The following SS18 variants were observed in gnomAD, a reference collection of about 807,000 sequenced individuals.
SS18 encodes SS18 subunit of BAF chromatin remodeling complex.
Under a neutral mutation model 72.5 loss-of-function variants are expected in SS18, and 28 were observed. The observed-to-expected ratio is 0.39, with a 90% CI of 0.29 to 0.53. SS18 has a LOEUF of 0.53. Ranked by LOEUF, SS18 falls within the 20% of genes least tolerant of loss-of-function variation. The pLI is 0.76. For missense variants in SS18, 518 were observed against 535.3 expected (o/e 0.97, Z 0.32); for synonymous variants, 172 against 164.2 (o/e 1.05, Z -0.37).
chr18:26,032,572 T>C, intron 9 of SS18, 40 bp from the exon 10 acceptor site: 1 of 1,607,726 alleles, frequency 6.2e-7, no homozygotes, highest in Non-Finnish European at 8.5e-7. Flanking sequence ...CATAAAAAGG[T>C]AAGTCCCTAG....
chr18:26,045,454 G>A (rs901360266), intron 5 of SS18, among the ~76,000 whole-genome samples: 5 of 152,044 alleles, frequency 3.3e-5, no homozygotes, highest in Admixed American at 2.0e-4. Flanking sequence ...TGTTCCATCT[G>A]CCTGTGCCAC....
chr18:26,028,499 C>T (rs1426360703), intron 10 of SS18, among the ~76,000 whole-genome samples: 1 of 152,174 alleles, frequency 6.6e-6, no homozygotes, highest in Admixed American at 6.5e-5. Context: ...GGGACTTGTC[C>T]ATGAATGTTC....
chr18:26,052,824 T>C lies in SS18; in HGVS notation c.407A>G (p.Gln136Arg), dbSNP rs909855496. The C allele has an allele frequency of 1.2e-6, 2 of 1,614,056 alleles. No homozygotes were observed. Among genetic ancestry groups the C allele is most frequent in the Non-Finnish European group, 1.7e-6 (2 of 1,180,008 alleles). ...ATTGAGTTGATTGGGTCCAGGTCCC[T>C]GCATAGGCATATGGTTAGGCCCTTT... The part of the protein sequence containing the change: ...QMPGPNHMPM[Q>R]GPGPNQLNMT... Residue 136 changes from glutamine to arginine, a missense_variant, in exon 5 of 11, where the codon CAG (glutamine) becomes CGG (arginine). Coordinates refer to ENST00000415083, the MANE Select transcript of SS18 (RefSeq NM_001007559.3).
At chr18:26,076,025 T>C (rs775300450) in intron 3 of SS18, among the ~76,000 whole-genome samples, 110 of 151,954 alleles carry the variant, frequency 7.2e-4, no homozygotes, top group Non-Finnish European at 1.3e-3. Context: ...GTGCAAACCA[T>C]CTACAGGGAA....
rs1356149957 is a variant in SS18 at position 26,018,078 on chromosome 18, C to T, written c.*276G>A. 2.7e-5 allele frequency: 9 copies of T among 335,724 alleles called. No homozygotes were observed. Among genetic ancestry groups the T allele is most frequent in the Non-Finnish European group, 5.5e-6 (1 of 183,068 alleles). The allele number at this position is 335,724 out of a possible 1,614,324, so 20.8% of individuals were successfully genotyped here. Reference sequence around the variant, plus strand: ...AGTCTGTAACAGTCCATTTGAAACACAGTTCCAAAATCATTACAAATTGGT... The same window carrying T: ...AGTCTGTAACAGTCCATTTGAAACATAGTTCCAAAATCATTACAAATTGGT... On this transcript the variant is annotated 3_prime_UTR_variant, in exon 11 of 11. Transcript: ENST00000415083.
chr18:26,047,707 G>C (rs1343779855), intron 5 of SS18, among the ~76,000 whole-genome samples: 2 of 152,138 alleles, frequency 1.3e-5, no homozygotes, highest in Non-Finnish European at 2.9e-5. Context: ...GCCGGGCATG[G>C]TGGCGGGCAC....
chr18:26,055,568 C>T (rs1218134352), intron 4 of SS18, among the ~76,000 whole-genome samples: 2 of 152,040 alleles, frequency 1.3e-5, no homozygotes, highest in African/African-American at 2.4e-5. Flanking sequence ...ACTGAGTCTA[C>T]ATAATGAAAT....
chr18:26,079,643 C>T (rs777580551), intron 2 of SS18, among the ~76,000 whole-genome samples: 9 of 152,190 alleles, frequency 5.9e-5, no homozygotes, highest in Non-Finnish European at 1.0e-4. Flanking sequence ...CGTGCAGTGG[C>T]GTAATCATGG....
intron 4 of SS18, among the ~76,000 whole-genome samples, chr18:26,055,892 G>C (rs1163736413): frequency 6.6e-6 from 1 of 151,684 alleles, no homozygotes; most frequent in Non-Finnish European, 1.5e-5. Flanking sequence ...TGAGTAGCTG[G>C]GATTACAGAC....
rs1555643838 is a variant in SS18, at chr18:26,027,703, A to AAGAC, written c.1230+4695_1230+4696insGTCT. Among the ~76,000 whole-genome samples, 629 of 124,672 alleles carry AAGAC rather than the reference A, an allele frequency of 5.0e-3. 82 individuals are homozygous for AAGAC. Among genetic ancestry groups the AAGAC allele is most frequent in the African/African-American group, 0.022 (603 of 28,010 alleles). The allele number at this position is 124,672 out of a possible 152,430, so 81.8% of individuals were successfully genotyped here. ...AAAAAAAAAAAAAAAAAAAAAAAAAAAGTCTTTTCAACAAATGACTCTGAG... is the reference window on the plus strand; with the variant it reads ...AAAAAAAAAAAAAAAAAAAAAAAAAAAGACAGTCTTTTCAACAAATGACTCTGAG... On this transcript the variant is annotated intron_variant, in intron 10 of 10. Transcript: ENST00000415083.
chr18:26,020,417 T>A (rs2053328923), intron 10 of SS18, among the ~76,000 whole-genome samples: 1 of 152,140 alleles, frequency 6.6e-6, no homozygotes, highest in African/African-American at 2.4e-5. Context: ...AGTCAATGTA[T>A]AAAATGAGAT....
rs1259644070 is a variant in SS18, at chr18:26,039,420, T to A, written c.644A>T (p.Tyr215Phe). Residue 215 changes from tyrosine to phenylalanine, a missense_variant, in exon 6 of 11, where the codon TAC becomes TTC. Physicochemically the swap from Tyr to Phe is conservative, Grantham distance 22 (BLOSUM62 3). Coordinates refer to ENST00000415083, the MANE Select transcript of SS18 (RefSeq NM_001007559.3). ...CTGTCCGCCTCCCTGTGGCATATTGTATTGCTGAGAAGGAGGCTGCTGATG... is the reference window on the plus strand; with the variant it reads ...CTGTCCGCCTCCCTGTGGCATATTGAATTGCTGAGAAGGAGGCTGCTGATG... ...MMHQQPPSQQ[Y>F]NMPQGGGQHY... 1 of 1,613,796 alleles carries A rather than the reference T, an allele frequency of 6.2e-7. No homozygotes were observed. The highest frequency in any genetic ancestry group is 1.1e-5 in the South Asian group (1 of 91,052).
At chr18:26,024,147 A>G (rs548772442) in intron 10 of SS18, among the ~76,000 whole-genome samples, 36 of 152,326 alleles carry the variant, frequency 2.4e-4, no homozygotes, top group African/African-American at 6.0e-4. Flanking sequence ...AGGCAAATCT[A>G]TAGAGATAGA....
chr18:26,046,139 C>T (rs1439689495), intron 5 of SS18, among the ~76,000 whole-genome samples: 3 of 142,192 alleles, frequency 2.1e-5, no homozygotes, highest in Non-Finnish European at 4.5e-5. Flanking sequence ...TTGCAATGAG[C>T]CAAGATTGCA....
intron 9 of SS18, among the ~76,000 whole-genome samples, chr18:26,033,810 C>A (rs1158628470): frequency 6.6e-6 from 1 of 152,048 alleles, no homozygotes; most frequent in Non-Finnish European, 1.5e-5. Flanking sequence ...AATACTTCAA[C>A]AAAAATTAAG....
At chr18:26,054,421 C>T (rs942752133) in intron 4 of SS18, among the ~76,000 whole-genome samples, 26 of 152,018 alleles carry the variant, frequency 1.7e-4, no homozygotes, top group African/African-American at 5.8e-4. Context: ...CGTATTGACA[C>T]ACAGAACACA....
intron 5 of SS18, among the ~76,000 whole-genome samples, chr18:26,050,164 G>A (rs936261861): frequency 4.0e-5 from 6 of 151,874 alleles, no homozygotes; most frequent in Non-Finnish European, 5.9e-5. Context: ...GAACCCAGGA[G>A]GCGGAAGCAG....
chr18:26,086,893 C>T (rs571765501), intron 2 of SS18, among the ~76,000 whole-genome samples: 3 of 152,188 alleles, frequency 2.0e-5, no homozygotes, highest in African/African-American at 7.2e-5. Context: ...GTATAAGAAA[C>T]GAAGTGATAC....
chr18:26,074,888 A>T (rs978500528), intron 3 of SS18, among the ~76,000 whole-genome samples: 29 of 152,092 alleles, frequency 1.9e-4, no homozygotes, highest in African/African-American at 6.7e-4. Flanking sequence ...GAAGTCACAA[A>T]TAATGACATT....
Sources: allele counts gnomAD v4.1 joint callset (sites outside exome capture counted in the v4.1 genomes callset), GRCh38; gene constraint gnomAD v4.1.1; transcripts MANE v1.5; gene names NCBI Gene and HGNC (gene_info 2026-07-23, HGNC 2026-07-21).